Variants in FASN observed in about 807,000 individuals in gnomAD.
FASN encodes the protein fatty acid synthase, also known as 3-hydroxyacyl-[acyl-carrier-protein] dehydratase.
A neutral mutation model predicts 250.0 loss-of-function variants in FASN; 50 were observed. The observed-to-expected ratio is 0.20, with a 90% CI of 0.16 to 0.25. FASN has a LOEUF of 0.25. Ranked by LOEUF, FASN falls within the 10% of genes least tolerant of loss-of-function variation. The pLI, the probability that FASN is intolerant of heterozygous loss-of-function variation, is 1.00. For missense variants in FASN, 3,031 were observed against 3,498.5 expected (o/e 0.87, Z 3.37); for synonymous variants, 1,909 against 1,584.0 (o/e 1.21, Z -4.87).
rs373926393 is a variant in FASN at position 82,096,488 on chromosome 17, C to T, written c.-7-36G>A. On this transcript the variant is annotated intron_variant, in intron 1 of 42. Transcript: ENST00000306749. The stretch of plus-strand genomic sequence containing the variant: ...GGCGGTGTGAGTGCCCCACACATCC[C>T]GGCCACGACACCCCCGTCAACAGCC... The T allele has an allele frequency of 3.7e-4, 599 of 1,606,074 alleles. 1 individual carries two copies. Among genetic ancestry groups the T allele is most frequent in the Non-Finnish European group, 4.7e-4 (556 of 1,179,742 alleles).
rs763072807 is a variant in FASN at position 82,085,051 on chromosome 17, C to A, written c.4393G>T (p.Gly1465Cys). Residue 1465 changes from glycine to cysteine, a missense_variant, in exon 25 of 43, where the codon GGC becomes TGC. Coordinates refer to ENST00000306749, the MANE Select transcript of FASN (RefSeq NM_004104.5). ...GLVNCLRREPGGNRLRCVLLS... is the reference protein window; with the variant it reads ...GLVNCLRREPCGNRLRCVLLS... ...TGCTCCTACCGGAGGCGGTTCCCGC[C>A]GGGCTCTCGGCGGAGACAGTTCACC... 6.8e-6 allele frequency: 11 copies of A among 1,611,464 alleles called. No homozygotes were observed. The highest frequency in any genetic ancestry group is 9.3e-6 in the Non-Finnish European group (11 of 1,179,394).
chr17:82,092,587 C>T lies in FASN; in HGVS notation c.897G>A (p.Val299=), dbSNP rs1435999650. 6.2e-7 allele frequency: 1 copy of T among 1,606,770 alleles called. No individual in the cohort carries two copies. Among genetic ancestry groups the T allele is most frequent in the South Asian group, 1.1e-5 (1 of 90,980 alleles). Residue 299 remains valine, a splice_region_variant and synonymous_variant, in exon 8 of 43, where the codon GTG becomes GTA. Transcript: ENST00000306749. The stretch of plus-strand genomic sequence containing the variant: ...TGCCATTCAGCTCCTGGGGGTCGCC[C>T]ACCTGTGGGAAACATGGGGGGTGAG... ...YIEAHGTGTK[V]GDPQELNGIT...
chr17:82,092,674 G>T (rs535893345), intron 7 of FASN, 23 bp downstream of exon 7: 2 of 1,454,322 alleles, frequency 1.4e-6, no homozygotes, highest in East Asian at 2.5e-5. Flanking sequence ...GGTGGTGAGT[G>T]GGGCGGGGGG....
rs369709982 is a variant in FASN, at chr17:82,084,092, C to T, written c.4981G>A (p.Val1661Met). Residue 1661 changes from valine (V) to methionine (M), a missense_variant, in exon 29 of 43, where the codon GTG becomes ATG. Physicochemically the swap from Val to Met is conservative, Grantham distance 21 (BLOSUM62 1). Transcript: ENST00000306749. ...VYSTAYYALV[V>M]RGRVRPGETL... ...TCCCCGGGGCGCACCCGCCCACGCACCACCAGCGCGTAGTAGGCCGTGCTG... is the reference window on the plus strand; with the variant it reads ...TCCCCGGGGCGCACCCGCCCACGCATCACCAGCGCGTAGTAGGCCGTGCTG... The T allele has an allele frequency of 2.0e-5, 32 of 1,565,204 alleles. No homozygotes were observed. The African/African-American group carries it at 3.7e-4, about 18-fold the overall frequency.
chr17:82,088,643 T>C (rs1352051839), intron 15 of FASN, 81 bp from the exon 16 acceptor site: 2 of 1,533,510 alleles, frequency 1.3e-6, no homozygotes, highest in Non-Finnish European at 1.8e-6. Flanking sequence ...CTGCCTGCGG[T>C]GGACCATCCA....
chr17:82,079,499 G>A lies in FASN; in HGVS notation c.7256C>T (p.Ala2419Val), dbSNP rs369341170. Residue 2419 changes from alanine to valine, a missense_variant, in exon 42 of 43, where the codon GCG becomes GTG. By Grantham distance (64) the Ala-to-Val change is moderately conservative. Coordinates refer to ENST00000306749, the MANE Select transcript of FASN (RefSeq NM_004104.5). Reference sequence around the variant, plus strand: ...CAGCTTGTAGTAGAAGGACCGGGCCGCAAAGCTCAGCTCCTGGCGGTCCAG... The same window carrying A: ...CAGCTTGTAGTAGAAGGACCGGGCCACAAAGCTCAGCTCCTGGCGGTCCAG... The part of the protein sequence containing the change: ...QGLDRQELSF[A>V]ARSFYYKLRA... 3.1e-6 allele frequency: 5 copies of A among 1,612,256 alleles called. No homozygotes were observed. The African/African-American group carries it at 5.3e-5, about 17-fold the overall frequency.
At chr17:82,084,983 G>A in intron 25 of FASN, 30 bp from the exon 26 acceptor site, 1 of 1,573,652 alleles carries the variant, frequency 6.4e-7, no homozygotes, top group Non-Finnish European at 8.6e-7. Context: ...GCTCAGGCTG[G>A]GGATGGGGAG....
In FASN at chr17:82,084,300, G is replaced by C; in HGVS notation, c.4853C>G (p.Pro1618Arg). 6.2e-7 allele frequency: 1 copy of C among 1,611,134 alleles called. No homozygotes were observed. Among genetic ancestry groups the C allele is most frequent in the Non-Finnish European group, 8.5e-7 (1 of 1,179,282 alleles). Residue 1618 changes from proline to arginine, a missense_variant, in exon 28 of 43, where the codon CCT (proline) becomes CGT (arginine). Pro to Arg is a moderately radical substitution (Grantham distance 103, BLOSUM62 -2). Coordinates refer to ENST00000306749, the MANE Select transcript of FASN (RefSeq NM_004104.5). ...ASGKRVMGLV[P>R]AKGLATSVLL... The stretch of plus-strand genomic sequence containing the variant: ...GACAGAGGTGGCCAGGCCCTTGGCA[G>C]GCACCAGTCCCATCACACGCTTGCC...
At chr17:82,086,779 T>C (rs1433825173) in intron 21 of FASN, among the ~76,000 whole-genome samples, 1 of 152,154 alleles carries the variant, frequency 6.6e-6, no homozygotes, top group African/African-American at 2.4e-5. Context: ...GGGGCTACTC[T>C]GTGCCTAGCC....
Position 82,084,710 on chromosome 17 carries a change from G to A in FASN, c.4571C>T (p.Pro1524Leu). 6.4e-7 allele frequency: 1 copy of A among 1,560,924 alleles called. No homozygotes were observed. The highest frequency in any genetic ancestry group is 8.7e-7 in the Non-Finnish European group (1 of 1,152,860). ...FRHFLLEEDK[P>L]EEPTAHAFVS... ...AAAGGCATGTGCCGTCGGCTCCTCA[G>A]GCTTGTCTAGGGAAACAGGGAGGTG... is the stretch of plus-strand genomic sequence containing the variant. The change falls in exon 27 of 43, where the codon CCT becomes CTT. Residue 1524 changes from proline to leucine, a missense_variant. Coordinates refer to ENST00000306749, the MANE Select transcript of FASN (RefSeq NM_004104.5).
chr17:82,083,440 C>T lies in FASN; in HGVS notation c.5342-15G>A, dbSNP rs189214777. On this transcript the variant is annotated splice_polypyrimidine_tract_variant and intron_variant, in intron 31 of 42. Coordinates refer to ENST00000306749, the MANE Select transcript of FASN (RefSeq NM_004104.5). ...GATAGCCATGCCTGCGGGCAGGGGCCGTGCTCACCCAGGGCCTTCCACAGG... is the reference window on the plus strand; with the variant it reads ...GATAGCCATGCCTGCGGGCAGGGGCTGTGCTCACCCAGGGCCTTCCACAGG... 16 of 1,612,660 alleles carry T rather than the reference C, an allele frequency of 9.9e-6. No individual in the cohort carries two copies. Among genetic ancestry groups the T allele is most frequent in the Admixed American group, 8.3e-5 (5 of 60,026 alleles).
intron 14 of FASN, 35 bp from the exon 15 acceptor site, chr17:82,088,911 C>A: frequency 6.2e-7 from 1 of 1,610,614 alleles, no homozygotes; most frequent in Non-Finnish European, 8.5e-7. Context: ...TCTCTTGGTG[C>A]TCAGCTGAGG....
chr17:82,091,287 T>C lies in FASN; in HGVS notation c.1427A>G (p.Glu476Gly), dbSNP rs773614310. ...PFRGYAVLGGERGGPEVQQVP... is the reference protein window; with the variant it reads ...PFRGYAVLGGGRGGPEVQQVP... The stretch of plus-strand genomic sequence containing the variant: ...CTGCTGCACCTCTGGGCCACCGCGC[T>C]CACCACCCAGCACAGCGTAGCCACG... The change falls in exon 9 of 43, where the codon GAG becomes GGG. Residue 476 changes from glutamate to glycine, a missense_variant. Glu to Gly is a moderately conservative substitution (Grantham distance 98, BLOSUM62 -2). Transcript: ENST00000306749. 1.9e-5 allele frequency: 31 copies of C among 1,608,692 alleles called. No homozygotes were observed. The Admixed American group carries it at 2.0e-4, about 10-fold the overall frequency.
intron 8 of FASN, among the ~76,000 whole-genome samples, chr17:82,092,000 A>C (rs2034218763): frequency 6.6e-6 from 1 of 152,182 alleles, no homozygotes; most frequent in Non-Finnish European, 1.5e-5. Flanking sequence ...CAGAGGCTGC[A>C]GAAGTTGGGG....
Position 82,093,287 on chromosome 17 carries a change from G to A in FASN, c.587C>T (p.Thr196Ile). Reference sequence around the variant, plus strand: ...CCCCAGCCTCAAGAACTGCACGGAGGTGTTGGGCTTCAGCAGGACATTGAT... The same window carrying A: ...CCCCAGCCTCAAGAACTGCACGGAGATGTTGGGCTTCAGCAGGACATTGAT... ...GGINVLLKPN[T>I]SVQFLRLGML... Residue 196 changes from threonine (T) to isoleucine (I), a missense_variant, in exon 5 of 43, where the codon ACC (threonine) becomes ATC (isoleucine). Thr to Ile is a moderately conservative substitution (Grantham distance 89). Transcript: ENST00000306749. 2.5e-6 allele frequency: 4 copies of A among 1,597,318 alleles called. No homozygotes were observed. Among genetic ancestry groups the A allele is most frequent in the East Asian group, 4.5e-5 (2 of 44,260 alleles).
intron 23 of FASN, 40 bp from the exon 24 acceptor site, chr17:82,085,442 C>A: frequency 6.3e-7 from 1 of 1,596,212 alleles, no homozygotes; most frequent in Admixed American, 1.7e-5. Context: ...GCCTGGCCCT[C>A]ACCCGGCCCC....
intron 2 of FASN, among the ~76,000 whole-genome samples, chr17:82,095,884 C>T (rs1237657260): frequency 6.6e-6 from 1 of 152,210 alleles, no homozygotes; most frequent in East Asian, 1.9e-4. Context: ...TGGTATGCAA[C>T]CTCCCAGCTC....
At position 82,090,558 on chromosome 17, in the gene FASN, G is replaced by C; in HGVS notation, c.1687C>G (p.Leu563Val). The C allele has an allele frequency of 1.2e-6, 2 of 1,610,612 alleles. No homozygotes were observed. Among genetic ancestry groups the C allele is most frequent in the Non-Finnish European group, 1.7e-6 (2 of 1,178,908 alleles). The change falls in exon 11 of 43, where the codon CTC becomes GTC. Residue 563 changes from leucine (L) to valine (V), a missense_variant. Physicochemically the swap from Leu to Val is conservative, Grantham distance 32. Coordinates refer to ENST00000306749, the MANE Select transcript of FASN (RefSeq NM_004104.5). ...FVSLTAIQIGLIDLLSCMGLR... is the reference protein window; with the variant it reads ...FVSLTAIQIGVIDLLSCMGLR... Reference sequence around the variant, plus strand: ...CCCATGCAGCTCAGCAGGTCTATGAGGCCTATCTGGGGTGGGAACAGGACA... The same window carrying C: ...CCCATGCAGCTCAGCAGGTCTATGACGCCTATCTGGGGTGGGAACAGGACA...
Position 82,087,480 on chromosome 17 carries a change from T to C in FASN, c.3068A>G (p.Lys1023Arg). Residue 1023 changes from lysine to arginine, a missense_variant, in exon 20 of 43, where the codon AAG becomes AGG. Transcript: ENST00000306749. The stretch of plus-strand genomic sequence containing the variant: ...GTCCATGAAGCTCACCCAGTTATCC[T>C]TCCACAGCAGCCTCCCCGAGTCACC... ...LEGDSGRLLW[K>R]DNWVSFMDTM... The C allele has an allele frequency of 6.2e-7, 1 of 1,612,536 alleles. No homozygotes were observed. The highest frequency in any genetic ancestry group is 1.1e-5 in the South Asian group (1 of 91,086).
Sources: gnomAD v4.1 joint callset for allele counts (sites outside exome capture counted in the v4.1 genomes callset) on GRCh38, gnomAD v4.1.1 for gene constraint, MANE v1.5 for transcripts, NCBI Gene and HGNC (gene_info 2026-07-23, HGNC 2026-07-21) for gene names.